The following TDRD7 variants were observed in gnomAD, a reference collection of about 807,000 sequenced individuals.
TDRD7 encodes tudor domain-containing protein 7.
In TDRD7, 47 loss-of-function variants were observed where a neutral mutation model predicts 109.8. The observed-to-expected ratio is 0.43, with a 90% confidence interval of 0.34 to 0.55. The LOEUF (loss-of-function observed/expected upper bound fraction) is 0.55, where lower values mean the gene tolerates loss of function less well. TDRD7 is among the 20% of genes least tolerant of loss of function. The pLI, the probability that TDRD7 is intolerant of heterozygous loss-of-function variation, is 0.03. For synonymous variants in TDRD7, 424 were observed against 457.3 expected, an observed-to-expected ratio of 0.93 and a Z score of 0.93; for missense variants, 1,164 against 1,319.2, an observed-to-expected ratio of 0.88 and a Z score of 1.82.
intron 15 of TDRD7, among the ~76,000 whole-genome samples, chr9:97,486,453 C>G (rs1829213055): frequency 6.6e-6 from 1 of 152,076 alleles, no homozygotes; most frequent in Non-Finnish European, 1.5e-5. Context: ...AAGCCATACT[C>G]CACCTCCCTC....
At chr9:97,436,070 G>C (rs1828191199) in intron 4 of TDRD7, among the ~76,000 whole-genome samples, 1 of 152,118 alleles carries the variant, frequency 6.6e-6, no homozygotes, top group Admixed American at 6.6e-5. Flanking sequence ...ATGCCTGCCT[G>C]TTAACAAATT....
At chr9:97,472,849 C>T (rs1828945985) in intron 10 of TDRD7, among the ~76,000 whole-genome samples, 1 of 150,952 alleles carries the variant, frequency 6.6e-6, no homozygotes, top group African/African-American at 2.4e-5. Flanking sequence ...CATAAATGCC[C>T]CAAAAGAAGG....
intron 8 of TDRD7, among the ~76,000 whole-genome samples, 190 bp downstream of exon 8, chr9:97,465,218 T>G (rs1828802115): frequency 6.6e-6 from 1 of 152,222 alleles, no homozygotes; most frequent in South Asian, 2.1e-4. Context: ...TGGTAGTTAT[T>G]ATTATCTCAG....
intron 12 of TDRD7, among the ~76,000 whole-genome samples, chr9:97,478,084 C>G (rs1829055033): frequency 6.6e-6 from 1 of 151,794 alleles, no homozygotes; most frequent in Non-Finnish European, 1.5e-5. Flanking sequence ...ATGGTGAAAC[C>G]CCATCTCTAC....
In TDRD7 at chr9:97,412,667, C is replaced by G. The variant is rs896601529; in HGVS notation, c.-7+429C>G. On this transcript the variant is annotated intron_variant, in intron 1 of 16. Transcript: ENST00000355295. The surrounding 1 kb of genome is among the most constrained non-coding windows in gnomAD (Gnocchi z 4.3). Reference sequence around the variant, plus strand: ...GCCCCCAGCGAGGGATGTCCGCGCTCCCCTATTTGAACCCAAGTATTTTAC... The same window carrying G: ...GCCCCCAGCGAGGGATGTCCGCGCTGCCCTATTTGAACCCAAGTATTTTAC... Among the ~76,000 whole-genome samples the G allele has an allele frequency of 1.3e-5, 2 of 152,216 alleles. No homozygotes were observed. Among genetic ancestry groups the G allele is most frequent in the Non-Finnish European group, 2.9e-5 (2 of 68,038 alleles).
At chr9:97,431,949 TG>T in intron 3 of TDRD7, 75 bp from the exon 4 acceptor site, 3 of 1,320,232 alleles carry the variant, frequency 2.3e-6, no homozygotes, top group Non-Finnish European at 3.3e-6. Context: ...AGAAAACATC[TG>T]GTCAGGGGAG....
intron 6 of TDRD7, among the ~76,000 whole-genome samples, chr9:97,457,912 C>G (rs1218833583): frequency 6.6e-6 from 1 of 152,106 alleles, no homozygotes; most frequent in Non-Finnish European, 1.5e-5. Context: ...TGTTCTCACT[C>G]CTAAGTGGGA....
intron 6 of TDRD7, among the ~76,000 whole-genome samples, chr9:97,446,122 C>T (rs1028507338): frequency 6.6e-6 from 1 of 152,148 alleles, no homozygotes; most frequent in African/African-American, 2.4e-5. Context: ...AGCATGAGAC[C>T]TGTCTTAAAT....
In TDRD7 at chr9:97,495,926, C is replaced by A; in HGVS notation, c.*43C>A. 2 of 1,545,606 alleles carry A rather than the reference C, an allele frequency of 1.3e-6. No individual in the cohort carries two copies. The highest frequency in any genetic ancestry group is 1.8e-6 in the Non-Finnish European group (2 of 1,119,106). On this transcript the variant is annotated 3_prime_UTR_variant, in exon 17 of 17. Coordinates refer to ENST00000355295, the MANE Select transcript of TDRD7 (RefSeq NM_014290.3). ...TTGACAACTAATTCAGATTTTTTAG[C>A]AATAACAAAATGTAGTAGGCTTAAA...
chr9:97,434,087 T>C (rs981637502), intron 4 of TDRD7, among the ~76,000 whole-genome samples: 6 of 152,172 alleles, frequency 3.9e-5, no homozygotes, highest in African/African-American at 1.4e-4. Context: ...GCATTCACAA[T>C]AGCCAAGGCA....
rs575972361 is a variant in TDRD7 at position 97,430,035 on chromosome 9, A to G, written c.208-898A>G. Among the ~76,000 whole-genome samples the G allele has an allele frequency of 5.5e-4, 83 of 152,278 alleles. 1 individual carries two copies. In the South Asian group the frequency reaches 0.016, roughly 30 times the overall value. On this transcript the variant is annotated intron_variant, in intron 2 of 16. Transcript: ENST00000355295. ...GTAATATAGTCTCAGAAATAGAAAT[A>G]CTGGGCCAAAGAGTAGGAACATATT...
intron 1 of TDRD7, among the ~76,000 whole-genome samples, chr9:97,417,851 G>A (rs1443763010): frequency 2.6e-5 from 4 of 152,224 alleles, no homozygotes; most frequent in Admixed American, 1.3e-4. Flanking sequence ...GAAAGGCCAG[G>A]CACGGTGGCT....
Position 97,432,863 on chromosome 9 carries a change from A to G in TDRD7, c.563+625A>G, listed in dbSNP as rs1477076680. ...GGTGGCAAACTACAATCGATGGACT[A>G]CATCAAGCCCACAGCCTGTTTTGGT... On this transcript the variant is annotated intron_variant, in intron 4 of 16. Transcript: ENST00000355295. 2.6e-5 allele frequency among the ~76,000 whole-genome samples: 4 copies of G among 152,340 alleles called. No homozygotes were observed. The East Asian group carries it at 5.8e-4, about 22-fold the overall frequency.
rs371431188 is a variant in TDRD7, at chr9:97,486,647, C to G, written c.2916-525C>G. 2.3e-3 allele frequency among the ~76,000 whole-genome samples: 348 copies of G among 152,282 alleles called. 17 individuals carry two copies. The South Asian group carries it at 0.07, about 30-fold the overall frequency. Reference sequence around the variant, plus strand: ...CTTCCATTCTTCCACACATTCCACTCTCTAACTATACTGGAAGGTTTGCTC... The same window carrying G: ...CTTCCATTCTTCCACACATTCCACTGTCTAACTATACTGGAAGGTTTGCTC... On this transcript the variant is annotated intron_variant, in intron 15 of 16. Coordinates refer to ENST00000355295, the MANE Select transcript of TDRD7 (RefSeq NM_014290.3).
At chr9:97,438,720 C>T (rs1444274530) in intron 4 of TDRD7, among the ~76,000 whole-genome samples, 4 of 151,962 alleles carry the variant, frequency 2.6e-5, no homozygotes, top group Non-Finnish European at 5.9e-5. Flanking sequence ...AGTTATTTGA[C>T]CAGTCCCTCA....
intron 16 of TDRD7, among the ~76,000 whole-genome samples, chr9:97,492,517 ATTAT>A (rs750326917): frequency 3.3e-5 from 5 of 152,244 alleles, no homozygotes; most frequent in Admixed American, 6.5e-5. Flanking sequence ...CTACCCCATG[ATTAT>A]TTATAAAATT....
chr9:97,444,949 C>G (rs1314006879), intron 6 of TDRD7, among the ~76,000 whole-genome samples: 1 of 152,162 alleles, frequency 6.6e-6, no homozygotes, highest in Non-Finnish European at 1.5e-5. Flanking sequence ...TATTGGAAAA[C>G]ATTTTGATGC....
At position 97,430,932 on chromosome 9, in the gene TDRD7, G is replaced by C; in HGVS notation, c.208-1G>C. ...CCTCTTACCCTGCCTCTAATGAATA[G>C]ATTACCTGCTATGCCATGGCCTGCA... On this transcript the variant is annotated splice_acceptor_variant, in intron 2 of 16. Transcript: ENST00000355295. LOFTEE classifies it high-confidence loss of function. 6.2e-7 allele frequency: 1 copy of C among 1,613,692 alleles called. No individual in the cohort carries two copies. Among genetic ancestry groups the C allele is most frequent in the Non-Finnish European group, 8.5e-7 (1 of 1,179,736 alleles).
intron 2 of TDRD7, 102 bp downstream of exon 2, chr9:97,428,774 C>A: frequency 2.7e-6 from 3 of 1,106,456 alleles, no homozygotes; most frequent in Non-Finnish European, 2.7e-6. Flanking sequence ...AGTGAAAGTA[C>A]TAGCTTAGTT....
Sources: allele counts gnomAD v4.1 joint callset (sites outside exome capture counted in the v4.1 genomes callset), GRCh38; gene constraint gnomAD v4.1.1; non-coding constraint Gnocchi (gnomAD v3.1); transcripts MANE v1.5; gene names NCBI Gene and HGNC (gene_info 2026-07-23, HGNC 2026-07-21).